The following HS6ST2 variants were observed in gnomAD, a reference collection of about 807,000 sequenced individuals.
HS6ST2 encodes the protein heparan-sulfate 6-O-sulfotransferase 2.
Under a neutral mutation model 33.0 loss-of-function variants are expected in HS6ST2, and 17 were observed. The ratio of observed to expected loss-of-function variants is 0.52; its 90% CI spans 0.35 to 0.77. The LOEUF (loss-of-function observed/expected upper bound fraction) is 0.77, where lower values mean the gene tolerates loss of function less well. Ranked by LOEUF, HS6ST2 falls within the 30% of genes least tolerant of loss-of-function variation. The pLI is 0.01. For missense variants in HS6ST2, 519 were observed against 551.7 expected, an observed-to-expected ratio of 0.94 and a Z score of 0.59; for synonymous variants, 248 against 237.1, an observed-to-expected ratio of 1.05 and a Z score of -0.42.
chrX:132,947,458 G>A (rs2066969056), intron 2 of HS6ST2, among the ~76,000 whole-genome samples: 1 of 110,395 alleles, frequency 9.1e-6, no homozygotes, highest in African/African-American at 3.3e-5. Context: ...ATGGTATTAA[G>A]CATATGCAAG....
At chrX:132,681,543 G>A (rs188616046) in intron 3 of HS6ST2, among the ~76,000 whole-genome samples, 14 of 111,746 alleles carry the variant, frequency 1.3e-4, no homozygotes, top group Admixed American at 1.0e-3. Flanking sequence ...CCAGCAATTC[G>A]GGAGGCCAAG....
intron 2 of HS6ST2, among the ~76,000 whole-genome samples, chrX:132,722,318 T>A: frequency 9.2e-6 from 1 of 108,490 alleles, no homozygotes; most frequent in Non-Finnish European, 1.9e-5. Context: ...ATACAAAAGA[T>A]CAGTGAAACA....
chrX:132,880,350 A>C (rs777007918), intron 2 of HS6ST2, among the ~76,000 whole-genome samples: 122 of 110,371 alleles, frequency 1.1e-3, no homozygotes, highest in African/African-American at 4.0e-3. Context: ...AGCCTGGTCA[A>C]CATGGTGAAA....
chrX:132,950,509 G>A (rs2067001102), intron 2 of HS6ST2, among the ~76,000 whole-genome samples: 1 of 111,826 alleles, frequency 8.9e-6, no homozygotes, highest in Non-Finnish European at 1.9e-5. Context: ...TACTTTTTTT[G>A]TTTGGTGGTG....
intron 4 of HS6ST2, chrX:132,668,473 G>A (rs935409360): frequency 4.5e-5 from 5 of 111,261 alleles, no homozygotes; most frequent in African/African-American, 9.8e-5. Context: ...GCCAAAGGGA[G>A]AGATCGGCTG....
chrX:132,833,926 T>C (rs929850445), intron 2 of HS6ST2, among the ~76,000 whole-genome samples: 2 of 110,931 alleles, frequency 1.8e-5, no homozygotes, highest in Non-Finnish European at 3.8e-5. Flanking sequence ...AAGGATGAAA[T>C]GTTAATAACT....
intron 2 of HS6ST2, among the ~76,000 whole-genome samples, chrX:132,864,956 A>G (rs1342345052): frequency 9.0e-6 from 1 of 111,687 alleles, no homozygotes; most frequent in Non-Finnish European, 1.9e-5. Flanking sequence ...GCCAATATTC[A>G]ACATTCTTAA....
chrX:132,757,822 G>T (rs1278526147), intron 2 of HS6ST2, among the ~76,000 whole-genome samples: 1 of 112,064 alleles, frequency 8.9e-6, no homozygotes, highest in Non-Finnish European at 1.9e-5. Flanking sequence ...TAGCCAGCAT[G>T]TTTTGGGCTC....
intron 2 of HS6ST2, among the ~76,000 whole-genome samples, chrX:132,755,326 T>C (rs913013064): frequency 2.7e-5 from 3 of 112,238 alleles, no homozygotes; most frequent in Non-Finnish European, 5.6e-5. Flanking sequence ...TGTGTATTTG[T>C]TAACACTTCC....
chrX:132,958,339 C>T lies in HS6ST2; in HGVS notation c.264G>A (p.Ala88=), dbSNP rs777877510. ...LAGAACAPLF[A]LLSRGRRRRM... ...GCCTGCGGCGGCCCCGGGACAGCAG[C>T]GCGAAAAGCGGGGCGCACGCGGCTC... The change falls in exon 1 of 5, where the codon GCG becomes GCA. Residue 88 remains alanine, a synonymous_variant. Coordinates refer to ENST00000370833, the MANE Select transcript of HS6ST2 (RefSeq NM_001394073.1). 2.5e-6 allele frequency: 3 copies of T among 1,197,086 alleles called. No homozygotes were observed. The highest frequency in any genetic ancestry group is 3.4e-6 in the Non-Finnish European group (3 of 893,275).
chrX:132,659,739 T>C (rs928803556), intron 4 of HS6ST2, among the ~76,000 whole-genome samples: 2 of 111,718 alleles, frequency 1.8e-5, no homozygotes, highest in Non-Finnish European at 3.8e-5. Context: ...TATCACCTAC[T>C]ATGTGACTTT....
At chrX:132,897,079 G>T (rs761993358) in intron 2 of HS6ST2, among the ~76,000 whole-genome samples, 4 of 111,689 alleles carry the variant, frequency 3.6e-5, no homozygotes, top group Non-Finnish European at 7.5e-5. Flanking sequence ...AGTGATTAAG[G>T]TCTAATCAGG....
At chrX:132,770,061 T>C (rs2064882546) in intron 2 of HS6ST2, among the ~76,000 whole-genome samples, 1 of 112,184 alleles carries the variant, frequency 8.9e-6, no homozygotes, top group Non-Finnish European at 1.9e-5. Flanking sequence ...CACAAAACCC[T>C]TGGAAGATAG....
intron 2 of HS6ST2, among the ~76,000 whole-genome samples, chrX:132,946,171 G>C (rs1404237680): frequency 8.9e-6 from 1 of 111,770 alleles, no homozygotes; most frequent in African/African-American, 3.3e-5. Flanking sequence ...TACACTGTTG[G>C]TGGGTCTGTA....
At chrX:132,641,065 T>C (rs1199760450) in intron 4 of HS6ST2, among the ~76,000 whole-genome samples, 1 of 112,478 alleles carries the variant, frequency 8.9e-6, no homozygotes. Context: ...GTGTCTATTG[T>C]TTCCCTGTTT....
intron 2 of HS6ST2, among the ~76,000 whole-genome samples, chrX:132,943,419 A>G (rs2066908157): frequency 9.0e-6 from 1 of 111,322 alleles, no homozygotes; most frequent in Non-Finnish European, 1.9e-5. Flanking sequence ...TAAAACATCT[A>G]CCTCAGACGT....
intron 2 of HS6ST2, among the ~76,000 whole-genome samples, chrX:132,775,535 A>G (rs780269288): frequency 8.9e-6 from 1 of 112,100 alleles, no homozygotes; most frequent in South Asian, 3.8e-4. Flanking sequence ...AAATTACTAA[A>G]AAGATTTCTT....
intron 2 of HS6ST2, among the ~76,000 whole-genome samples, chrX:132,794,574 G>GATGATGATGATGATGATTATTATT (rs916088563): frequency 1.9e-4 from 19 of 99,095 alleles, no homozygotes; most frequent in African/African-American, 7.5e-4. Flanking sequence ...TGATGATGAT[G>GATGATGATGATGATGATTATTATT]ATTATTATTA....
At chrX:132,803,774 T>C (rs1442724936) in intron 2 of HS6ST2, among the ~76,000 whole-genome samples, 1 of 111,940 alleles carries the variant, frequency 8.9e-6, no homozygotes, top group African/African-American at 3.2e-5. Context: ...GGGTAAGTGA[T>C]TTCCTGAGCC....
Sources: gnomAD v4.1 joint callset for allele counts (sites outside exome capture counted in the v4.1 genomes callset) on GRCh38, gnomAD v4.1.1 for gene constraint, MANE v1.5 for transcripts, NCBI Gene and HGNC (gene_info 2026-07-23, HGNC 2026-07-21) for gene names.